Variants in CSMD1 observed in about 807,000 individuals in gnomAD.
CSMD1 encodes the protein CUB and Sushi multiple domains 1, also known as CUB and sushi domain-containing protein 1.
Under a neutral mutation model 417.5 loss-of-function variants are expected in CSMD1, and 213 were observed. The ratio of observed to expected loss-of-function variants is 0.51; its 90% CI spans 0.46 to 0.57. The LOEUF is 0.57. CSMD1 is among the 20% of genes least tolerant of loss of function. The pLI is 0.00. For missense variants in CSMD1, 6,923 were observed against 4,529.7 expected, an observed-to-expected ratio of 1.53 and a Z score of -15.17; for synonymous variants, 2,862 against 1,736.8, an observed-to-expected ratio of 1.65 and a Z score of -16.11.
rs928860066 is a variant in CSMD1, at chr8:3,521,871, C to T, written c.1345-28145G>A. ...TACTATCTATTCTAATACCGCGGAA[C>T]AGTTTGATGCCAAATTTTGTGTTGT... On this transcript the variant is annotated intron_variant, in intron 10 of 69. Coordinates refer to ENST00000635120, the MANE Select transcript of CSMD1 (RefSeq NM_033225.6). 7.2e-5 allele frequency among the ~76,000 whole-genome samples: 11 copies of T among 152,264 alleles called. No individual in the cohort carries two copies. The South Asian group carries it at 2.1e-3, about 29-fold the overall frequency.
Position 3,961,539 on chromosome 8 carries a change from A to G in CSMD1, c.818+36364T>C, listed in dbSNP as rs144590025. Among the ~76,000 whole-genome samples, 479 of 152,328 alleles carry G rather than the reference A, an allele frequency of 3.1e-3. 4 individuals are homozygous for G. The highest frequency in any genetic ancestry group is 0.011 in the African/African-American group (462 of 41,562). On this transcript the variant is annotated intron_variant, in intron 5 of 69. Transcript: ENST00000635120. ...TCTTGCTTTGTGAAGACAATAGGAA[A>G]TCTATCCTAGGCAGAAATTTCCACT...
intron 5 of CSMD1, among the ~76,000 whole-genome samples, chr8:3,834,076 T>C (rs918774200): frequency 3.3e-5 from 5 of 152,222 alleles, no homozygotes; most frequent in African/African-American, 4.8e-5. Context: ...AAAAATATTA[T>C]ACTTTGATTT....
chr8:4,144,216 T>A (rs370431526), intron 3 of CSMD1, among the ~76,000 whole-genome samples: 4 of 151,064 alleles, frequency 2.6e-5, no homozygotes, highest in African/African-American at 9.9e-5. Flanking sequence ...CTTGGGCTTC[T>A]TCCTTGATTC....
intron 3 of CSMD1, among the ~76,000 whole-genome samples, chr8:4,205,180 C>T (rs918859341): frequency 6.6e-6 from 1 of 152,170 alleles, no homozygotes; most frequent in Non-Finnish European, 1.5e-5. Flanking sequence ...GGTGAAGAAA[C>T]ATCTGATTTA....
intron 48 of CSMD1, among the ~76,000 whole-genome samples, chr8:3,090,283 C>T (rs954777040): frequency 2.3e-5 from 3 of 131,456 alleles, no homozygotes; most frequent in African/African-American, 5.7e-5. Context: ...CACCACTGCA[C>T]TCCAGCCTGG....
intron 1 of CSMD1, among the ~76,000 whole-genome samples, chr8:4,722,154 A>G (rs1392608322): frequency 6.6e-6 from 1 of 152,164 alleles, no homozygotes; most frequent in Non-Finnish European, 1.5e-5. Context: ...AAGAGAGAAG[A>G]TGTAAGATTT....
intron 3 of CSMD1, among the ~76,000 whole-genome samples, chr8:4,146,593 C>CCTTTTTT (rs1208930261): frequency 1.1e-5 from 1 of 90,740 alleles, no homozygotes. Context: ...TATATGGACA[C>CCTTTTTT]ATTTTTTTTT....
Position 3,293,859 on chromosome 8 carries a change from C to G in CSMD1, c.3951-9513G>C, listed in dbSNP as rs190194099. ...AGTCATTCTCCATCCAGCTTTGTTC[C>G]ATTGCTGGTGAGGAGCTGTGTTCCT... On this transcript the variant is annotated intron_variant, in intron 25 of 69. Coordinates refer to ENST00000635120, the MANE Select transcript of CSMD1 (RefSeq NM_033225.6). Among the ~76,000 whole-genome samples the G allele has an allele frequency of 5.5e-3, 839 of 152,290 alleles. 5 individuals are homozygous for G. Among genetic ancestry groups the G allele is most frequent in the Non-Finnish European group, 9.7e-3 (663 of 68,034 alleles).
chr8:3,036,900 G>A (rs1810716192), intron 50 of CSMD1, among the ~76,000 whole-genome samples: 1 of 152,128 alleles, frequency 6.6e-6, no homozygotes, highest in Non-Finnish European at 1.5e-5. Flanking sequence ...TGATTTCTGG[G>A]ATTTCAGTGC....
chr8:3,711,025 G>C (rs375456002), intron 6 of CSMD1, among the ~76,000 whole-genome samples: 1 of 152,240 alleles, frequency 6.6e-6, no homozygotes, highest in East Asian at 1.9e-4. Context: ...AGAGCGGTGA[G>C]AAACACATAT....
chr8:4,765,421 T>A (rs910971439), intron 1 of CSMD1, among the ~76,000 whole-genome samples: 5 of 152,228 alleles, frequency 3.3e-5, no homozygotes, highest in Non-Finnish European at 5.9e-5. Flanking sequence ...TCAAGATAAT[T>A]CACTGTATAC....
At chr8:4,883,319 T>G (rs546632117) in intron 1 of CSMD1, among the ~76,000 whole-genome samples, 18 of 152,236 alleles carry the variant, frequency 1.2e-4, no homozygotes, top group Admixed American at 4.6e-4. Context: ...ATACCTCTAT[T>G]TGGATATAAT....
chr8:3,270,867 C>G (rs1585872551), intron 26 of CSMD1, among the ~76,000 whole-genome samples: 1 of 151,816 alleles, frequency 6.6e-6, no homozygotes, highest in Admixed American at 6.6e-5. Flanking sequence ...GGAGGCCTCA[C>G]AATTATGGCA....
intron 50 of CSMD1, among the ~76,000 whole-genome samples, chr8:3,029,976 T>C (rs1810231333): frequency 6.6e-6 from 1 of 152,064 alleles, no homozygotes; most frequent in Non-Finnish European, 1.5e-5. Flanking sequence ...GAAACACACA[T>C]ATATAATATA....
Position 3,406,023 on chromosome 8 carries a change from G to A in CSMD1, c.2266+4C>T, listed in dbSNP as rs1410876154. 6.2e-7 allele frequency: 1 copy of A among 1,613,018 alleles called. No homozygotes were observed. Among genetic ancestry groups the A allele is most frequent in the African/African-American group, 1.3e-5 (1 of 75,016 alleles). On this transcript the variant is annotated splice_donor_region_variant and intron_variant, in intron 15 of 69. Coordinates refer to ENST00000635120, the MANE Select transcript of CSMD1 (RefSeq NM_033225.6). ...AGAAGAGCGGGGGGTGGCAGGGACT[G>A]CACCTTCACAGCGGGGCACGGTGGA...
chr8:4,713,008 G>C (rs1186551220), intron 1 of CSMD1, among the ~76,000 whole-genome samples: 1 of 152,212 alleles, frequency 6.6e-6, no homozygotes, highest in Non-Finnish European at 1.5e-5. Context: ...AATGATATTA[G>C]GCTGCCTGAC....
chr8:2,975,569 G>A (rs1474490562), intron 55 of CSMD1, among the ~76,000 whole-genome samples: 4 of 152,120 alleles, frequency 2.6e-5, no homozygotes, highest in Non-Finnish European at 5.9e-5. Flanking sequence ...TGTCTTACAT[G>A]GACATTGATT....
At chr8:3,912,210 C>T (rs1239864876) in intron 5 of CSMD1, among the ~76,000 whole-genome samples, 1 of 152,136 alleles carries the variant, frequency 6.6e-6, no homozygotes, top group Non-Finnish European at 1.5e-5. Flanking sequence ...TTTTCTAACT[C>T]TGATTCGACA....
intron 26 of CSMD1, among the ~76,000 whole-genome samples, chr8:3,234,791 C>T (rs919164413): frequency 6.6e-6 from 1 of 152,334 alleles, no homozygotes; most frequent in African/African-American, 2.4e-5. Flanking sequence ...ACCAGAATCA[C>T]AAGGCAATTG....
Sources: gnomAD v4.1 joint callset for allele counts (sites outside exome capture counted in the v4.1 genomes callset) on GRCh38, gnomAD v4.1.1 for gene constraint, MANE v1.5 for transcripts, NCBI Gene and HGNC (gene_info 2026-07-23, HGNC 2026-07-21) for gene names.